Variants in SP140 observed in about 807,000 individuals in gnomAD.
SP140 encodes SP140 nuclear body protein.
In SP140, 81 loss-of-function variants were observed where a neutral mutation model predicts 125.0. That is an observed-to-expected ratio of 0.65 (90% confidence interval 0.54 to 0.78). SP140 has a LOEUF of 0.78. Ranked by LOEUF, SP140 falls within the 30% of genes least tolerant of loss-of-function variation. The pLI is 0.00. For missense variants in SP140, 858 were observed against 1,037.0 expected (o/e 0.83, Z 2.37); for synonymous variants, 312 against 354.0 (o/e 0.88, Z 1.33).
At chr2:230,246,344 A>G (rs1301422965) in intron 7 of SP140, among the ~76,000 whole-genome samples, 1 of 152,180 alleles carries the variant, frequency 6.6e-6, no homozygotes, top group Admixed American at 6.5e-5. Context: ...TGCCAGTTTT[A>G]CCTCAATAGT....
At chr2:230,259,641 C>T (rs2051846857) in intron 12 of SP140, among the ~76,000 whole-genome samples, 1 of 151,142 alleles carries the variant, frequency 6.6e-6, no homozygotes, top group African/African-American at 2.4e-5. Context: ...GAGCTGAGAT[C>T]ACACCACTGC....
intron 1 of SP140, among the ~76,000 whole-genome samples, chr2:230,209,297 A>G (rs2044210599): frequency 6.6e-6 from 1 of 152,094 alleles, no homozygotes; most frequent in Non-Finnish European, 1.5e-5. Flanking sequence ...GAAGGATTTG[A>G]GGGGCCAGAG....
At chr2:230,212,743 A>C (rs374060817) in intron 1 of SP140, 1 of 1,613,778 alleles carries the variant, frequency 6.2e-7, no homozygotes, top group East Asian at 2.2e-5. Flanking sequence ...CAGGTGTTGG[A>C]TGGGATCTGT....
rs151268884 is a variant in SP140, at chr2:230,306,491, T to C, written c.2059-3433T>C. Among the ~76,000 whole-genome samples, 593 of 152,286 alleles carry C rather than the reference T, an allele frequency of 3.9e-3. 1 individual carries two copies. Among genetic ancestry groups the C allele is most frequent in the Non-Finnish European group, 6.1e-3 (415 of 68,012 alleles). Reference sequence around the variant, plus strand: ...GGAGCTCGCCATGCGCAACTGCAGGTGCCCAGGTTGCAGCTGTAGGCCTGG... The same window carrying C: ...GGAGCTCGCCATGCGCAACTGCAGGCGCCCAGGTTGCAGCTGTAGGCCTGG... On this transcript the variant is annotated intron_variant, in intron 22 of 26. Coordinates refer to ENST00000392045, the MANE Select transcript of SP140 (RefSeq NM_007237.5).
chr2:230,261,773 T>G (rs774673128), intron 12 of SP140, among the ~76,000 whole-genome samples: 2 of 152,222 alleles, frequency 1.3e-5, no homozygotes, highest in African/African-American at 2.4e-5. Context: ...TTGCATATGT[T>G]AAGCCATCCC....
At chr2:230,205,788 G>T (rs2043721810) in intron 1 of SP140, among the ~76,000 whole-genome samples, 1 of 152,164 alleles carries the variant, frequency 6.6e-6, no homozygotes, top group Non-Finnish European at 1.5e-5. Context: ...CCAGTGTGCA[G>T]CTGGCTATGT....
chr2:230,220,044 A>C (rs1002447669), intron 3 of SP140: 71 of 985,364 alleles, frequency 7.2e-5, no homozygotes, highest in Non-Finnish European at 8.4e-5. Flanking sequence ...AAGTTTTCGG[A>C]GTTTGCCAAG....
At chr2:230,248,142 C>T in intron 8 of SP140, 77 bp downstream of exon 8, 1 of 1,440,476 alleles carries the variant, frequency 6.9e-7, no homozygotes, top group Non-Finnish European at 9.6e-7. Context: ...ACCAGGTGGG[C>T]AAGGTTTCTG....
intron 12 of SP140, 79 bp downstream of exon 12, chr2:230,255,611 T>C (rs1575045927): frequency 7.4e-6 from 10 of 1,344,448 alleles, no homozygotes; most frequent in Non-Finnish European, 1.1e-5. Context: ...GTTTCCTGAT[T>C]GACTTTCCTC....
At chr2:230,207,176 G>A (rs1250226432) in intron 1 of SP140, among the ~76,000 whole-genome samples, 2 of 152,278 alleles carry the variant, frequency 1.3e-5, no homozygotes, top group East Asian at 3.9e-4. Context: ...AGGAAAGGAT[G>A]ATGGCTATCC....
intron 22 of SP140, among the ~76,000 whole-genome samples, chr2:230,308,298 T>G (rs1344588899): frequency 6.6e-6 from 1 of 152,086 alleles, no homozygotes; most frequent in Non-Finnish European, 1.5e-5. Context: ...TACACTGCTC[T>G]TGTGATGAGT....
chr2:230,210,151 C>G (rs1249733969), intron 1 of SP140: 1 of 737,044 alleles, frequency 1.4e-6, no homozygotes, highest in African/African-American at 1.7e-5. Context: ...TTCCCTGGCT[C>G]TGTCTTGATT....
At chr2:230,212,278 G>C in intron 1 of SP140, 1 of 1,169,250 alleles carries the variant, frequency 8.6e-7, no homozygotes, top group East Asian at 2.3e-5. Flanking sequence ...TAGCCTCTTG[G>C]TTGGCAGACG....
At chr2:230,303,383 C>A (rs957193328) in intron 22 of SP140, among the ~76,000 whole-genome samples, 1 of 152,068 alleles carries the variant, frequency 6.6e-6, no homozygotes, top group African/African-American at 2.4e-5. Flanking sequence ...CTGAAGAGAC[C>A]AGTAACAAGC....
In SP140 at chr2:230,211,330, A is replaced by G. The variant is rs762696459; in HGVS notation, c.-322-2324A>G. Reference sequence around the variant, plus strand: ...GGTCTCCTGCCTGTTCAAGCTCCCAAGTGCTGGGTGAACTGGAAGCTGGGC... The same window carrying G: ...GGTCTCCTGCCTGTTCAAGCTCCCAGGTGCTGGGTGAACTGGAAGCTGGGC... On this transcript the variant is annotated intron_variant, in intron 1 of 4. Coordinates refer to the SP140 transcript ENST00000456542. This position sits in a 1 kb window ranked among gnomAD's most constrained non-coding sequence, Gnocchi z 4.2. 3.2e-5 allele frequency: 23 copies of G among 713,022 alleles called. 1 individual carries two copies. Among genetic ancestry groups the G allele is most frequent in the Non-Finnish European group, 5.6e-5 (22 of 389,928 alleles). 44.2% of individuals were successfully genotyped at this position (713,022 alleles called of 1,614,324 possible). A position where few individuals can be genotyped will look rare whatever the true frequency, so the allele number is the denominator to read the frequency against.
At position 230,211,385 on chromosome 2, in the gene SP140, C is replaced by T. The variant is rs1047478846; in HGVS notation, c.-322-2269C>T. ...ATTGCTGAGAGGCAGGAGGAGAGCCCCCTCTCTAGAAGATCCGAATGGCTT... is the reference window on the plus strand; with the variant it reads ...ATTGCTGAGAGGCAGGAGGAGAGCCTCCTCTCTAGAAGATCCGAATGGCTT... On this transcript the variant is annotated intron_variant, in intron 1 of 4. Transcript: ENST00000456542. The surrounding 1 kb of genome is among the most constrained non-coding windows in gnomAD (Gnocchi z 4.2). 14 of 872,328 alleles carry T rather than the reference C, an allele frequency of 1.6e-5. No individual in the cohort carries two copies. The highest frequency in any genetic ancestry group is 2.8e-5 in the Non-Finnish European group (14 of 507,200). The allele number at this position is 872,328 out of a possible 1,614,324, so 54.0% of individuals were successfully genotyped here. A position where few individuals can be genotyped will look rare whatever the true frequency, so the allele number is the denominator to read the frequency against.
intron 15 of SP140, chr2:230,270,908 T>C: frequency 2.0e-6 from 1 of 504,796 alleles, no homozygotes; most frequent in Non-Finnish European, 3.8e-6. Context: ...AATCTAATCT[T>C]GTAGGCCTTA....
At position 230,237,412 on chromosome 2, in the gene SP140, A is replaced by T. The variant is rs553298717; in HGVS notation, c.237+152A>T. 4.0e-5 allele frequency: 25 copies of T among 628,818 alleles called. No individual in the cohort carries two copies. The Admixed American group carries it at 6.8e-4, about 17-fold the overall frequency. 39.0% of individuals were successfully genotyped at this position (628,818 alleles called of 1,614,324 possible). On this transcript the variant is annotated intron_variant, in intron 2 of 26. Transcript: ENST00000392045. This position sits in a 1 kb window ranked among gnomAD's most constrained non-coding sequence, Gnocchi z 5.4. ...GTGACAGGAGAAGCAGGCATCACAG[A>T]AAACCTCCCTTCTTCTGTAGTAAAT...
In SP140 at chr2:230,307,972, TATATATATATATATATATAC is replaced by T. The variant is rs1325999706; in HGVS notation, c.2059-1950_2059-1931del. Among the ~76,000 whole-genome samples, 14 of 86,590 alleles carry T rather than the reference TATATATATATATATATATAC, an allele frequency of 1.6e-4. 1 individual carries two copies. The highest frequency in any genetic ancestry group is 3.0e-4 in the Non-Finnish European group (12 of 39,486). 56.8% of individuals were successfully genotyped at this position (86,590 alleles called of 152,430 possible). Reference sequence around the variant, plus strand: ...ACATGCATGTATATATATATATATATATATATATATATATATATACACACACACACACACACACACACACA... The same window carrying T: ...ACATGCATGTATATATATATATATATACACACACACACACACACACACACA... On this transcript the variant is annotated intron_variant, in intron 22 of 26. Transcript: ENST00000392045.
Sources: allele counts gnomAD v4.1 joint callset (sites outside exome capture counted in the v4.1 genomes callset), GRCh38; gene constraint gnomAD v4.1.1; non-coding constraint Gnocchi (gnomAD v3.1); transcripts MANE v1.5; gene names NCBI Gene and HGNC (gene_info 2026-07-23, HGNC 2026-07-21).